The following ARB2A variants were observed in gnomAD, a reference collection of about 807,000 sequenced individuals.
The protein encoded by ARB2A is ARB2 cotranscriptional regulator A.
the ARB2A span, among the ~76,000 whole-genome samples, chr5:94,102,376 C>T: frequency 6.6e-6 from 1 of 151,988 alleles, no homozygotes; most frequent in Admixed American, 6.5e-5. Flanking sequence ...TTTCATAATA[C>T]AATCAGAAGT....
the ARB2A span, among the ~76,000 whole-genome samples, chr5:93,891,414 A>C: frequency 6.6e-6 from 1 of 152,042 alleles, no homozygotes; most frequent in African/African-American, 2.4e-5. Flanking sequence ...AGAATTCCAA[A>C]TTTTCATTCA....
At chr5:93,995,331 T>A in the ARB2A span, among the ~76,000 whole-genome samples, 1 of 152,204 alleles carries the variant, frequency 6.6e-6, no homozygotes, top group Admixed American at 6.5e-5. Flanking sequence ...TCTTGCATAT[T>A]TTTCATCATG....
chr5:93,718,941 T>C, the ARB2A span, among the ~76,000 whole-genome samples: 24 of 152,358 alleles, frequency 1.6e-4, no homozygotes, highest in South Asian at 4.1e-4. Context: ...AAATCAAACC[T>C]ACTGATTCAC....
At chr5:93,794,157 C>T in the ARB2A span, among the ~76,000 whole-genome samples, 3 of 152,060 alleles carry the variant, frequency 2.0e-5, no homozygotes, top group African/African-American at 2.4e-5. Context: ...TGAGTTAATT[C>T]GAAAGCCTTG....
the ARB2A span, among the ~76,000 whole-genome samples, chr5:93,847,587 G>T: frequency 1.3e-5 from 2 of 152,020 alleles, no homozygotes; most frequent in Non-Finnish European, 2.9e-5. Context: ...AAAATTAAGG[G>T]GAGGGACTAT....
chr5:94,085,230 T>G, the ARB2A span, among the ~76,000 whole-genome samples: 1 of 152,362 alleles, frequency 6.6e-6, no homozygotes, highest in Non-Finnish European at 1.5e-5. Context: ...ACAGTCAGTT[T>G]ATTCATTATC....
the ARB2A span, among the ~76,000 whole-genome samples, chr5:94,106,288 C>CA: frequency 3.3e-5 from 5 of 150,982 alleles, no homozygotes; most frequent in Admixed American, 6.6e-5. Flanking sequence ...AATTAAAAAG[C>CA]AAAAAAACCC....
At chr5:93,731,676 C>T in the ARB2A span, among the ~76,000 whole-genome samples, 2 of 152,154 alleles carry the variant, frequency 1.3e-5, no homozygotes, top group Non-Finnish European at 2.9e-5. Flanking sequence ...AATAATGAAT[C>T]AACCCATTGC....
At chr5:93,618,810 A>G in the ARB2A span, 2 of 152,258 alleles carry the variant, frequency 1.3e-5, no homozygotes, top group Non-Finnish European at 2.9e-5. Context: ...ATTAGAGGCA[A>G]TTAAATAGTG....
At chr5:93,892,542 A>G in the ARB2A span, among the ~76,000 whole-genome samples, 7 of 152,142 alleles carry the variant, frequency 4.6e-5, no homozygotes, top group Non-Finnish European at 8.8e-5. Flanking sequence ...AATTTTTACT[A>G]TATCTGTTCT....
the ARB2A span, among the ~76,000 whole-genome samples, chr5:93,638,124 A>C: frequency 1.3e-5 from 2 of 152,222 alleles, no homozygotes; most frequent in Admixed American, 1.3e-4. Context: ...AACTTTCCTA[A>C]ACATTGCCAT....
the ARB2A span, among the ~76,000 whole-genome samples, chr5:93,841,502 A>T: frequency 5.3e-5 from 8 of 152,138 alleles, no homozygotes; most frequent in Non-Finnish European, 8.8e-5. Context: ...TTGGTATCTG[A>T]GGCGTGAAGG....
the ARB2A span, among the ~76,000 whole-genome samples, chr5:94,044,501 A>G: frequency 3.3e-5 from 5 of 152,080 alleles, no homozygotes. Context: ...CAGCCTGAAG[A>G]AGTTATAGAA....
the ARB2A span, among the ~76,000 whole-genome samples, chr5:93,784,849 G>A: frequency 6.6e-6 from 1 of 152,190 alleles, no homozygotes; most frequent in South Asian, 2.1e-4. Flanking sequence ...CTTCAGGGAA[G>A]TTAGTACCCG....
At chr5:94,025,698 G>T in the ARB2A span, among the ~76,000 whole-genome samples, 1 of 152,356 alleles carries the variant, frequency 6.6e-6, no homozygotes, top group Admixed American at 6.5e-5. Flanking sequence ...AGAATATGAA[G>T]TTTCTGCTTT....
At chr5:93,750,184 G>A in the ARB2A span, among the ~76,000 whole-genome samples, 223 of 152,268 alleles carry the variant, frequency 1.5e-3, no homozygotes, top group Middle Eastern at 0.014. Context: ...ATGCAAATTA[G>A]GGGTAAGACA....
At chr5:93,864,047 G>C in the ARB2A span, among the ~76,000 whole-genome samples, 132 of 152,154 alleles carry the variant, frequency 8.7e-4, 1 homozygote, top group Non-Finnish European at 1.6e-3. Context: ...CACTGTAAGA[G>C]GATCTACCTA....
chr5:93,999,652 A>C, the ARB2A span, among the ~76,000 whole-genome samples: 1 of 151,992 alleles, frequency 6.6e-6, no homozygotes, highest in Non-Finnish European at 1.5e-5. Context: ...ACTGCAATTG[A>C]TGATAAGCCT....
chr5:93,793,396 C>A, the ARB2A span, among the ~76,000 whole-genome samples: 1 of 151,804 alleles, frequency 6.6e-6, no homozygotes, highest in Non-Finnish European at 1.5e-5. Flanking sequence ...CATCTTTTAA[C>A]TCCAGATCCC....
Sources: gnomAD v4.1 joint callset for allele counts (sites outside exome capture counted in the v4.1 genomes callset) on GRCh38, gnomAD v4.1.1 for gene constraint, MANE v1.5 for transcripts, NCBI Gene and HGNC (gene_info 2026-07-23, HGNC 2026-07-21) for gene names.